ZNF519: variants seen among roughly 807,000 people sequenced by gnomAD.
ZNF519 encodes the protein similar to Zinc finger protein 85 (Zinc finger protein HPF4) (HTF1).
A neutral mutation model predicts 7.4 loss-of-function variants in ZNF519; 7 were observed. That is an observed-to-expected ratio of 0.94 (90% CI 0.54 to 1.77). The LOEUF (loss-of-function observed/expected upper bound fraction) is 1.77. Ranked by LOEUF, ZNF519 falls within the 40% of genes most tolerant of loss-of-function variation. ZNF519 has a pLI of 0.00. For missense variants in ZNF519, 586 were observed against 623.1 expected, an observed-to-expected ratio of 0.94 and a Z score of 0.63; for synonymous variants, 179 against 203.3, an observed-to-expected ratio of 0.88 and a Z score of 1.02.
intron 1 of ZNF519, among the ~76,000 whole-genome samples, chr18:14,129,263 G>C (rs1437365599): frequency 6.6e-6 from 1 of 152,170 alleles, no homozygotes; most frequent in Non-Finnish European, 1.5e-5. Flanking sequence ...AGTCTTCTAG[G>C]CACCTGTGTA....
In ZNF519 at chr18:14,103,152, A is replaced by G. The variant is rs999920446; in HGVS notation, c.*1765T>C. On this transcript the variant is annotated 3_prime_UTR_variant, in exon 3 of 3. Coordinates refer to ENST00000590202, the MANE Select transcript of ZNF519 (RefSeq NM_145287.4). ...TACTCCAATGTAAATAATGGGCAGAAAAAGTGGGAAGATCAACAGGAAAAC... is the reference window on the plus strand; with the variant it reads ...TACTCCAATGTAAATAATGGGCAGAGAAAGTGGGAAGATCAACAGGAAAAC... The G allele has an allele frequency of 3.9e-5, 6 of 152,120 alleles. No individual in the cohort carries two copies. The highest frequency in any genetic ancestry group is 3.3e-4 in the Admixed American group (5 of 15,276). The allele number at this position is 152,120 out of a possible 1,614,324, so 9.4% of individuals were successfully genotyped here. A position where few individuals can be genotyped will look rare whatever the true frequency, so the allele number is the denominator to read the frequency against.
At position 14,103,336 on chromosome 18, in the gene ZNF519, A is replaced by G. The variant is rs977600529; in HGVS notation, c.*1581T>C. Reference sequence around the variant, plus strand: ...CGTCAATAAAATTAACAGGATCAAAATAATCCAAAGTATTTTCCCTGACTT... The same window carrying G: ...CGTCAATAAAATTAACAGGATCAAAGTAATCCAAAGTATTTTCCCTGACTT... On this transcript the variant is annotated 3_prime_UTR_variant, in exon 3 of 3. Coordinates refer to ENST00000590202, the MANE Select transcript of ZNF519 (RefSeq NM_145287.4). 1 of 152,146 alleles carries G rather than the reference A, an allele frequency of 6.6e-6. No individual in the cohort carries two copies. The highest frequency in any genetic ancestry group is 6.5e-5 in the Admixed American group (1 of 15,270). The allele number at this position is 152,146 out of a possible 1,614,324, so 9.4% of individuals were successfully genotyped here. A position where few individuals can be genotyped will look rare whatever the true frequency, so the allele number is the denominator to read the frequency against.
rs534112035 is a variant in ZNF519, at chr18:14,101,812, G to C, written c.*3105C>G. The C allele has an allele frequency of 7.5e-6, 3 of 398,536 alleles. No homozygotes were observed. The South Asian group carries it at 3.8e-4, about 51-fold the overall frequency. The allele number at this position is 398,536 out of a possible 1,614,324, so 24.7% of individuals were successfully genotyped here. On this transcript the variant is annotated 3_prime_UTR_variant, in exon 3 of 3. Coordinates refer to ENST00000590202, the MANE Select transcript of ZNF519 (RefSeq NM_145287.4). ...CCAGCAGTTAATCTTGCACGCAACA[G>C]AGCCCTGCTTGGCTGACCTGGCCTC...
At chr18:14,074,115 A>T (rs2046038262), downstream of ZNF519, 1 of 152,168 alleles carries the variant, frequency 6.6e-6, no homozygotes, top group Non-Finnish European at 1.5e-5. Context: ...GCTCTGCAGC[A>T]GAGTCTGAGG....
At chr18:14,110,668 CA>C (rs1448225004) in intron 2 of ZNF519, among the ~76,000 whole-genome samples, 5 of 152,016 alleles carry the variant, frequency 3.3e-5, no homozygotes, top group African/African-American at 1.2e-4. Context: ...AGCCATAATT[CA>C]AAAGTCAAGA....
rs1016682818 is a variant in ZNF519 at position 14,101,458 on chromosome 18, T to C, written c.*3459A>G. 3 of 391,574 alleles carry C rather than the reference T, an allele frequency of 7.7e-6. No individual in the cohort carries two copies. Among genetic ancestry groups the C allele is most frequent in the Non-Finnish European group, 1.3e-5 (3 of 222,384 alleles). The allele number at this position is 391,574 out of a possible 1,614,324, so 24.3% of individuals were successfully genotyped here. On this transcript the variant is annotated 3_prime_UTR_variant, in exon 3 of 3. Coordinates refer to ENST00000590202, the MANE Select transcript of ZNF519 (RefSeq NM_145287.4). ...ATTTTCCTAGATATTCTTACAAATATGTGAAAGCCGATTGTACACCTGAAC... is the reference window on the plus strand; with the variant it reads ...ATTTTCCTAGATATTCTTACAAATACGTGAAAGCCGATTGTACACCTGAAC...
chr18:14,084,205 G>A (rs2046080994), intron 3 of ZNF519: 1 of 152,224 alleles, frequency 6.6e-6, no homozygotes, highest in South Asian at 2.1e-4. Flanking sequence ...ACCTGGGAAA[G>A]TGCTAGTTCT....
At chr18:14,125,715 G>A (rs1023750038) in intron 1 of ZNF519, among the ~76,000 whole-genome samples, 4 of 151,484 alleles carry the variant, frequency 2.6e-5, no homozygotes, top group Non-Finnish European at 4.4e-5. Context: ...ACTGAGTTTC[G>A]CTCTTATTGC....
At position 14,105,259 on chromosome 18, in the gene ZNF519, A is replaced by T; in HGVS notation, c.1281T>A (p.Thr427=). 1.2e-6 allele frequency: 2 copies of T among 1,613,282 alleles called. No homozygotes were observed. Among genetic ancestry groups the T allele is most frequent in the Non-Finnish European group, 8.5e-7 (1 of 1,179,494 alleles). ...CTTTACATTTGAAGTGTTTCTCTCC[A>T]GTATGGATTCTCTGATGTTGAGTAA... is the stretch of plus-strand genomic sequence containing the variant. ...SHLTQHQRIH[T]GEKHFKCKEC... The change falls in exon 3 of 3, where the codon ACT becomes ACA. Residue 427 remains threonine (T), a synonymous_variant. Coordinates refer to ENST00000590202, the MANE Select transcript of ZNF519 (RefSeq NM_145287.4).
At chr18:14,077,812 C>T (rs1461182070) in intron 4 of ZNF519, among the ~76,000 whole-genome samples, 2 of 152,150 alleles carry the variant, frequency 1.3e-5, no homozygotes, top group Admixed American at 6.5e-5. Flanking sequence ...ATCTAATTTT[C>T]TGTTATTCCC....
In ZNF519 at chr18:14,124,384, C is replaced by G. The variant is rs2046285890; in HGVS notation, c.96G>C (p.Val32=). The change falls in exon 2 of 3, where the codon GTG becomes GTC. Residue 32 remains valine, a synonymous_variant. Transcript: ENST00000590202. ...DPAQQNLYRD[V]MLENYRNLVS... is the part of the protein sequence containing the mutation. ...CGAGGTTTCTGTAGTTCTCCAACAT[C>G]ACATCTCTATATAAATTCTGTTGGG... The G allele has an allele frequency of 1.9e-6, 3 of 1,611,434 alleles. No homozygotes were observed. Among genetic ancestry groups the G allele is most frequent in the Middle Eastern group, 1.7e-4 (1 of 6,054 alleles).
intron 1 of ZNF519, among the ~76,000 whole-genome samples, chr18:14,130,771 A>G (rs1168764362): frequency 2.6e-5 from 4 of 151,798 alleles, no homozygotes; most frequent in African/African-American, 9.7e-5. Flanking sequence ...GGAATAGTCT[A>G]TCTTTTTCTC....
chr18:14,112,038 A>G (rs1460014467), intron 2 of ZNF519, among the ~76,000 whole-genome samples: 1 of 152,172 alleles, frequency 6.6e-6, no homozygotes, highest in Non-Finnish European at 1.5e-5. Flanking sequence ...AAAATTCAGC[A>G]ACATATTAAA....
At chr18:14,128,187 G>C (rs545510537) in intron 1 of ZNF519, among the ~76,000 whole-genome samples, 6 of 152,106 alleles carry the variant, frequency 3.9e-5, no homozygotes, top group Admixed American at 3.3e-4. Flanking sequence ...CAGCTACTCG[G>C]GAGGCTGAGC....
At chr18:14,130,848 A>G (rs1186370214) in intron 1 of ZNF519, among the ~76,000 whole-genome samples, 138 of 36,792 alleles carry the variant, frequency 3.8e-3, no homozygotes, top group Middle Eastern at 0.016. Context: ...GGGTTGGGGG[A>G]AAAAAAAAAA....
exon 5 of ZNF519, chr18:14,076,904 A>T (rs2046049959): frequency 6.6e-6 from 1 of 152,180 alleles, no homozygotes. Flanking sequence ...GGTCTCCATT[A>T]AGTATATAAT....
Position 14,102,329 on chromosome 18 carries a change from A to G in ZNF519, c.*2588T>C, listed in dbSNP as rs1490011575. On this transcript the variant is annotated 3_prime_UTR_variant, in exon 3 of 3. Coordinates refer to ENST00000590202, the MANE Select transcript of ZNF519 (RefSeq NM_145287.4). ...ATTACAGGAGCCCACCACCACACCC[A>G]GCTAATTTTTTGTATTTTTGGTAGA... The G allele has an allele frequency of 6.6e-6, 1 of 152,056 alleles. No homozygotes were observed. The highest frequency in any genetic ancestry group is 2.4e-5 in the African/African-American group (1 of 41,380). 9.4% of individuals were successfully genotyped at this position (152,056 alleles called of 1,614,324 possible).
chr18:14,125,505 T>C (rs1049500511), intron 1 of ZNF519, among the ~76,000 whole-genome samples: 17 of 152,158 alleles, frequency 1.1e-4, no homozygotes, highest in African/African-American at 2.4e-4. Flanking sequence ...TTTCCTATCA[T>C]TGATTTTAAA....
chr18:14,097,918 G>A (rs147285103), downstream of ZNF519, among the ~76,000 whole-genome samples: 202 of 152,242 alleles, frequency 1.3e-3, no homozygotes, highest in African/African-American at 4.5e-3. Flanking sequence ...GAAAGTGCGA[G>A]GTGAGTAACA....
Sources: allele counts gnomAD v4.1 joint callset (sites outside exome capture counted in the v4.1 genomes callset), GRCh38; gene constraint gnomAD v4.1.1; transcripts MANE v1.5; gene names NCBI Gene and HGNC (gene_info 2026-07-23, HGNC 2026-07-21).